ST6GALNAC3: variants seen among roughly 807,000 people sequenced by gnomAD.
ST6GALNAC3 encodes the protein ST6 N-acetylgalactosaminide alpha-2,6-sialyltransferase 3, also known as alpha-N-acetylgalactosaminide alpha-2,6-sialyltransferase 3.
In ST6GALNAC3, 25 loss-of-function variants were observed where a neutral mutation model predicts 32.7. The observed-to-expected ratio is 0.76, with a 90% confidence interval of 0.56 to 1.07. The LOEUF is 1.07. ST6GALNAC3 is among the 50% of genes least tolerant of loss of function. ST6GALNAC3 has a pLI of 0.00. For synonymous variants in ST6GALNAC3, 129 were observed against 133.1 expected (o/e 0.97, Z 0.21); for missense variants, 355 against 382.4 (o/e 0.93, Z 0.60).
intron 1 of ST6GALNAC3, among the ~76,000 whole-genome samples, chr1:76,110,883 A>C (rs1647882793): frequency 6.6e-6 from 1 of 152,238 alleles, no homozygotes; most frequent in Non-Finnish European, 1.5e-5. Flanking sequence ...TGGGAACCTA[A>C]GCCAAAAAAG....
intron 3 of ST6GALNAC3, among the ~76,000 whole-genome samples, chr1:76,418,473 G>A (rs1166953689): frequency 1.3e-5 from 2 of 152,020 alleles, no homozygotes; most frequent in East Asian, 1.9e-4. Flanking sequence ...TAGTTTGCCC[G>A]AAGAAATGCC....
intron 1 of ST6GALNAC3, among the ~76,000 whole-genome samples, chr1:76,080,039 A>G (rs7521666): frequency 6.9e-4 from 105 of 152,340 alleles, no homozygotes; most frequent in African/African-American, 2.5e-3. Flanking sequence ...TCTGTAATTG[A>G]GTTCTGTTCT....
chr1:76,597,549 C>T (rs530447022), intron 3 of ST6GALNAC3, among the ~76,000 whole-genome samples: 2 of 152,196 alleles, frequency 1.3e-5, no homozygotes, highest in Non-Finnish European at 2.9e-5. Context: ...TCTAGAGACT[C>T]TTTGTTCTAC....
intron 1 of ST6GALNAC3, among the ~76,000 whole-genome samples, chr1:76,175,934 G>A (rs1317556108): frequency 1.3e-5 from 2 of 152,082 alleles, no homozygotes; most frequent in Non-Finnish European, 2.9e-5. Context: ...TTGGTCATTT[G>A]GAGATCTAGT....
chr1:76,587,824 T>C (rs1034096774), intron 3 of ST6GALNAC3, among the ~76,000 whole-genome samples: 4 of 152,050 alleles, frequency 2.6e-5, no homozygotes, highest in Non-Finnish European at 4.4e-5. Flanking sequence ...AAGGCTGGGA[T>C]TGGTGAGTGG....
intron 3 of ST6GALNAC3, among the ~76,000 whole-genome samples, chr1:76,571,939 C>CA (rs1469129091): frequency 6.6e-6 from 1 of 152,018 alleles, no homozygotes; most frequent in Non-Finnish European, 1.5e-5. Flanking sequence ...ATCATCTTAT[C>CA]AAAAATTATT....
chr1:76,581,233 A>G (rs1302172642), intron 3 of ST6GALNAC3, among the ~76,000 whole-genome samples: 1 of 152,096 alleles, frequency 6.6e-6, no homozygotes, highest in Non-Finnish European at 1.5e-5. Flanking sequence ...CAGATCCCAT[A>G]AAGATCATTC....
intron 3 of ST6GALNAC3, chr1:76,576,871 T>A (rs1202691925): frequency 1.5e-6 from 2 of 1,304,804 alleles, no homozygotes; most frequent in East Asian, 1.1e-4. Flanking sequence ...CAGTGTTGAT[T>A]GATCGAACAG....
intron 1 of ST6GALNAC3, among the ~76,000 whole-genome samples, chr1:76,296,637 C>A (rs1316280233): frequency 6.6e-6 from 1 of 151,986 alleles, no homozygotes; most frequent in Non-Finnish European, 1.5e-5. Context: ...AACGATGAAC[C>A]ATGAATGTGT....
intron 1 of ST6GALNAC3, among the ~76,000 whole-genome samples, chr1:76,223,901 TG>T (rs1655919215): frequency 6.6e-6 from 1 of 152,212 alleles, no homozygotes; most frequent in African/African-American, 2.4e-5. Flanking sequence ...GTCAGGAAAC[TG>T]GTAAACTCTG....
At chr1:76,351,561 A>G (rs187273862) in intron 2 of ST6GALNAC3, among the ~76,000 whole-genome samples, 9 of 152,106 alleles carry the variant, frequency 5.9e-5, no homozygotes, top group Admixed American at 3.9e-4. Context: ...TAGAGTCTCC[A>G]TGTTTGCCCA....
intron 1 of ST6GALNAC3, among the ~76,000 whole-genome samples, chr1:76,188,252 C>T (rs1041632983): frequency 6.6e-6 from 1 of 152,050 alleles, no homozygotes; most frequent in Non-Finnish European, 1.5e-5. Context: ...ATCCCAGTTA[C>T]TCAGGAGGTT....
At chr1:76,284,050 G>T (rs576379393) in intron 1 of ST6GALNAC3, among the ~76,000 whole-genome samples, 1 of 148,840 alleles carries the variant, frequency 6.7e-6, no homozygotes, top group South Asian at 2.1e-4. Context: ...AAATGCCGGA[G>T]AACTGAGTTA....
rs181399304 is a variant in ST6GALNAC3, at chr1:76,146,695, C to T, written c.18+71811C>T. On this transcript the variant is annotated intron_variant, in intron 1 of 4. Transcript: ENST00000328299. ...AGGTTTTAATAGGGGTTCCACCCCC[C>T]TCACCGCTAAAAAAAATTGATCAGG... 2.5e-4 allele frequency among the ~76,000 whole-genome samples: 38 copies of T among 152,320 alleles called. No homozygotes were observed. In the East Asian group the frequency reaches 4.6e-3, roughly 19 times the overall value.
rs201381711 is a variant in ST6GALNAC3 at position 76,139,198 on chromosome 1, G to GA, written c.18+64330dup. On this transcript the variant is annotated intron_variant, in intron 1 of 4. Transcript: ENST00000328299. ...GACAGAGCGAGACTCCGTCTCAATG[G>GA]AAAAAAAAAAAAAAAATCTATGCAC... Among the ~76,000 whole-genome samples, 1,123 of 123,244 alleles carry GA rather than the reference G, an allele frequency of 9.1e-3. 14 individuals carry two copies. Among genetic ancestry groups the GA allele is most frequent in the East Asian group, 0.047 (203 of 4,288 alleles). The allele number at this position is 123,244 out of a possible 152,430, so 80.9% of individuals were successfully genotyped here. A position where few individuals can be genotyped will look rare whatever the true frequency, so the allele number is the denominator to read the frequency against.
chr1:76,324,746 A>G (rs1423143833), intron 2 of ST6GALNAC3, among the ~76,000 whole-genome samples: 4 of 152,202 alleles, frequency 2.6e-5, no homozygotes, highest in South Asian at 4.1e-4. Context: ...TAAAGTATGG[A>G]CTTGAGTTAA....
chr1:76,621,681 C>T (rs1648661309), intron 3 of ST6GALNAC3, among the ~76,000 whole-genome samples: 1 of 152,026 alleles, frequency 6.6e-6, no homozygotes, highest in Admixed American at 6.6e-5. Flanking sequence ...CAAGGTGCTA[C>T]TGATAATCAT....
chr1:76,251,500 CCCTTCACTGTTCTCT>C (rs1013887803), intron 1 of ST6GALNAC3, among the ~76,000 whole-genome samples: 1 of 152,102 alleles, frequency 6.6e-6, no homozygotes, highest in African/African-American at 2.4e-5. Context: ...TAGCACTAAA[CCCTTCACTGTTCTCT>C]CCTCACATCA....
At chr1:76,416,922 G>A (rs1331499042) in intron 3 of ST6GALNAC3, among the ~76,000 whole-genome samples, 7 of 151,902 alleles carry the variant, frequency 4.6e-5, no homozygotes, top group Admixed American at 1.3e-4. Context: ...CACCACGCCC[G>A]GCCAGCATTG....
Sources: allele counts gnomAD v4.1 joint callset (sites outside exome capture counted in the v4.1 genomes callset), GRCh38; gene constraint gnomAD v4.1.1; transcripts MANE v1.5; gene names NCBI Gene and HGNC (gene_info 2026-07-23, HGNC 2026-07-21).